Variants in PCDHA4 observed in about 807,000 individuals in gnomAD.
PCDHA4 encodes the protein protocadherin alpha 4, also known as protocadherin alpha-4.
A neutral mutation model predicts 61.4 loss-of-function variants in PCDHA4; 49 were observed. The observed-to-expected ratio is 0.80, with a 90% CI of 0.63 to 1.01. PCDHA4 has a LOEUF of 1.01. Ranked by LOEUF, PCDHA4 falls within the 50% of genes least tolerant of loss-of-function variation. The pLI, the probability that PCDHA4 is intolerant of heterozygous loss-of-function variation, is 0.00. For synonymous variants in PCDHA4, 590 were observed against 550.3 expected (o/e 1.07, Z -1.01); for missense variants, 1,254 against 1,235.8 (o/e 1.01, Z -0.22).
At chr5:140,943,008 G>A (rs2093405058) in intron 1 of PCDHA4, among the ~76,000 whole-genome samples, 2 of 152,052 alleles carry the variant, frequency 1.3e-5, no homozygotes, top group African/African-American at 4.8e-5. Context: ...TGTAATCCCA[G>A]CACTTTGGGA....
chr5:140,911,075 A>G (rs1554194593), intron 1 of PCDHA4, among the ~76,000 whole-genome samples: 1 of 152,076 alleles, frequency 6.6e-6, no homozygotes, highest in Admixed American at 6.6e-5. Context: ...GAGGAGAATC[A>G]ACATTATCTT....
rs2150184620 is a variant in PCDHA4 at position 140,830,293 on chromosome 5, G to T, written c.2385+20721G>T. On this transcript the variant is annotated intron_variant, in intron 1 of 3. Transcript: ENST00000530339. ...CACCCACCGAGGGCGCGTGCACGGC[G>T]GACAAGCCCACGCTGGTGTGCTCCA... The T allele has an allele frequency of 1.5e-5, 25 of 1,613,858 alleles. No homozygotes were observed. The South Asian group carries it at 2.7e-4, about 18-fold the overall frequency.
At chr5:140,954,299 C>T (rs964431670) in intron 1 of PCDHA4, among the ~76,000 whole-genome samples, 2 of 152,166 alleles carry the variant, frequency 1.3e-5, no homozygotes, top group Non-Finnish European at 2.9e-5. Context: ...GGTACATACC[C>T]AGTAATGGGA....
chr5:140,868,938 T>C, intron 1 of PCDHA4: 1 of 1,227,722 alleles, frequency 8.1e-7, no homozygotes. Context: ...AAGGTTGGTC[T>C]GAACAGTGAG....
rs151084513 is a variant in PCDHA4, at chr5:140,927,608, G to T, written c.2386-51341G>T. The T allele has an allele frequency of 1.2e-6, 2 of 1,614,168 alleles. No individual in the cohort carries two copies. The highest frequency in any genetic ancestry group is 3.3e-4 in the Middle Eastern group (2 of 6,062). Reference sequence around the variant, plus strand: ...CCTGTATTTGAGCGCTCCGTATACCGCACCAAGGTTCCAGAGACTGCACCC... The same window carrying T: ...CCTGTATTTGAGCGCTCCGTATACCTCACCAAGGTTCCAGAGACTGCACCC... On this transcript the variant is annotated intron_variant, in intron 1 of 3. Coordinates refer to ENST00000530339, the MANE Select transcript of PCDHA4 (RefSeq NM_018907.4).
intron 1 of PCDHA4, chr5:140,877,772 C>T (rs372461540): frequency 9.3e-6 from 15 of 1,614,150 alleles, no homozygotes; most frequent in Non-Finnish European, 1.2e-5. Context: ...CCGCCCAAGA[C>T]GGACCTCATG....
intron 1 of PCDHA4, among the ~76,000 whole-genome samples, chr5:140,889,648 A>G (rs1414947366): frequency 6.6e-6 from 1 of 152,094 alleles, no homozygotes; most frequent in African/African-American, 2.4e-5. Flanking sequence ...TGTTTGCAGG[A>G]GATGTCCTCT....
rs1776053531 is a variant in PCDHA4 at position 140,839,144 on chromosome 5, A to G, written c.2385+29572A>G. ...ATATGTCATTCACATAAGCAGACCAAGTTTGCTGCTCTTGTTGAAAGATAT... is the reference window on the plus strand; with the variant it reads ...ATATGTCATTCACATAAGCAGACCAGGTTTGCTGCTCTTGTTGAAAGATAT... On this transcript the variant is annotated intron_variant, in intron 1 of 3. Transcript: ENST00000530339. Among the ~76,000 whole-genome samples, 3 of 136,814 alleles carry G rather than the reference A, an allele frequency of 2.2e-5. No individual in the cohort carries two copies. The South Asian group carries it at 7.1e-4, about 33-fold the overall frequency. The allele number at this position is 136,814 out of a possible 152,430, so 89.8% of individuals were successfully genotyped here.
intron 1 of PCDHA4, among the ~76,000 whole-genome samples, chr5:140,897,304 G>C (rs1297881439): frequency 1.7e-4 from 25 of 150,768 alleles, no homozygotes; most frequent in African/African-American, 6.1e-4. Flanking sequence ...TTTAGCATTA[G>C]GTATATCTCC....
Position 140,884,639 on chromosome 5 carries a change from G to A in PCDHA4, c.2385+75067G>A, listed in dbSNP as rs781835096. ...TGCAGAGGGAACAGGCCAGAGGGAG[G>A]AGGACTCAGAATGCTTGAAAGAGGT... On this transcript the variant is annotated intron_variant, in intron 1 of 3. Coordinates refer to ENST00000530339, the MANE Select transcript of PCDHA4 (RefSeq NM_018907.4). 55 of 1,610,606 alleles carry A rather than the reference G, an allele frequency of 3.4e-5. No homozygotes were observed. The South Asian group carries it at 5.6e-4, about 16-fold the overall frequency.
intron 1 of PCDHA4, chr5:140,867,034 G>C (rs1398561687): frequency 6.6e-6 from 1 of 152,106 alleles, no homozygotes; most frequent in Non-Finnish European, 1.5e-5. Context: ...ACTCTTTTAT[G>C]ACTTGGCGTT....
chr5:140,850,847 G>C (rs2150500244), intron 1 of PCDHA4: 5 of 1,596,668 alleles, frequency 3.1e-6, no homozygotes, highest in Non-Finnish European at 4.3e-6. Context: ...GATCTACAGA[G>C]CGAACGGGAG....
intron 1 of PCDHA4, chr5:140,835,845 G>A (rs2150246372): frequency 2.5e-6 from 4 of 1,612,312 alleles, no homozygotes; most frequent in Non-Finnish European, 1.7e-6. Flanking sequence ...GCAGAAGAAC[G>A]CGCTGGTGTC....
chr5:140,880,790 T>C (rs2058480985), intron 1 of PCDHA4, among the ~76,000 whole-genome samples: 1 of 152,190 alleles, frequency 6.6e-6, no homozygotes, highest in African/African-American at 2.4e-5. Flanking sequence ...AGAGGAGTAA[T>C]ATAAATAGGT....
intron 1 of PCDHA4, chr5:140,830,504 T>C: frequency 1.4e-6 from 2 of 1,433,114 alleles, no homozygotes; most frequent in Non-Finnish European, 1.9e-6. Flanking sequence ...ATTTTCATAA[T>C]TAACAGTTAA....
At chr5:140,888,277 C>G (rs923275306) in intron 1 of PCDHA4, among the ~76,000 whole-genome samples, 1 of 151,972 alleles carries the variant, frequency 6.6e-6, no homozygotes, top group Non-Finnish European at 1.5e-5. Context: ...ACAGTTTTGT[C>G]CCCTCTACCC....
intron 1 of PCDHA4, chr5:140,864,329 T>C (rs1381036358): frequency 1.3e-5 from 2 of 152,196 alleles, no homozygotes; most frequent in Non-Finnish European, 2.9e-5. Flanking sequence ...ATCATAATTA[T>C]TTGAGTTTAA....
At chr5:140,941,255 C>CTCTT (rs1554214207) in intron 1 of PCDHA4, among the ~76,000 whole-genome samples, 2 of 44,508 alleles carry the variant, frequency 4.5e-5, no homozygotes, top group African/African-American at 1.4e-4. Context: ...TTCTTTCTTT[C>CTCTT]TCTTTCTTTC....
At chr5:140,885,070 T>C (rs1253345040) in intron 1 of PCDHA4, among the ~76,000 whole-genome samples, 1 of 152,232 alleles carries the variant, frequency 6.6e-6, no homozygotes, top group African/African-American at 2.4e-5. Flanking sequence ...CAAGATATTA[T>C]TTTAAAGAGC....
Sources: gnomAD v4.1 joint callset for allele counts (sites outside exome capture counted in the v4.1 genomes callset) on GRCh38, gnomAD v4.1.1 for gene constraint, MANE v1.5 for transcripts, NCBI Gene and HGNC (gene_info 2026-07-23, HGNC 2026-07-21) for gene names.